Variants in LINGO2 observed in about 807,000 individuals in gnomAD.
LINGO2 encodes the protein leucine rich repeat and Ig domain containing 2.
Under a neutral mutation model 30.6 loss-of-function variants are expected in LINGO2, and 14 were observed. That is an observed-to-expected ratio of 0.46 (90% CI 0.30 to 0.72). The LOEUF (loss-of-function observed/expected upper bound fraction) is 0.72, where lower values mean the gene tolerates loss of function less well. Ranked by LOEUF, LINGO2 falls within the 30% of genes least tolerant of loss-of-function variation. LINGO2 has a pLI of 0.07. For missense variants in LINGO2, 729 were observed against 751.7 expected (o/e 0.97, Z 0.35); for synonymous variants, 317 against 288.5 (o/e 1.10, Z -1.00).
intron 3 of LINGO2, among the ~76,000 whole-genome samples, chr9:28,349,073 A>G (rs2134431571): frequency 6.6e-6 from 1 of 152,106 alleles, no homozygotes; most frequent in Admixed American, 6.5e-5. Flanking sequence ...AAAACTGGAA[A>G]CTCTAAAAAG....
intron 4 of LINGO2, among the ~76,000 whole-genome samples, chr9:28,063,176 T>G (rs1445156612): frequency 3.3e-5 from 5 of 152,120 alleles, no homozygotes; most frequent in Non-Finnish European, 7.4e-5. Context: ...CAATTCATAC[T>G]TTCTTTTAGT....
chr9:28,680,996 T>A, the LINGO2 span, among the ~76,000 whole-genome samples: 1 of 152,124 alleles, frequency 6.6e-6, no homozygotes, highest in African/African-American at 2.4e-5. Context: ...ACTTTAGGGA[T>A]TATATCTTAA....
chr9:29,184,915 C>G, the LINGO2 span, among the ~76,000 whole-genome samples: 1 of 152,058 alleles, frequency 6.6e-6, no homozygotes, highest in Non-Finnish European at 1.5e-5. Context: ...TACTTTTTTG[C>G]ATGTGCTATC....
the LINGO2 span, among the ~76,000 whole-genome samples, chr9:29,099,284 A>G: frequency 6.6e-6 from 1 of 152,208 alleles, no homozygotes; most frequent in Non-Finnish European, 1.5e-5. Flanking sequence ...AACTACAACA[A>G]GAAAACATTG....
At chr9:28,998,853 G>A in the LINGO2 span, among the ~76,000 whole-genome samples, 2 of 152,050 alleles carry the variant, frequency 1.3e-5, no homozygotes, top group Non-Finnish European at 2.9e-5. Flanking sequence ...TATATATATA[G>A]CACAGGTCTA....
chr9:27,966,537 A>G (rs763436940), intron 5 of LINGO2, among the ~76,000 whole-genome samples: 2 of 152,130 alleles, frequency 1.3e-5, no homozygotes, highest in African/African-American at 2.4e-5. Flanking sequence ...ACATGGACAC[A>G]GGGAGGGGAA....
chr9:28,378,791 A>T (rs76772128), intron 2 of LINGO2, among the ~76,000 whole-genome samples: 1 of 152,182 alleles, frequency 6.6e-6, no homozygotes, highest in African/African-American at 2.4e-5. Flanking sequence ...CTTGCAAGCA[A>T]GCTTACTTTG....
the LINGO2 span, among the ~76,000 whole-genome samples, chr9:28,992,584 C>T: frequency 6.6e-6 from 1 of 152,122 alleles, no homozygotes; most frequent in Non-Finnish European, 1.5e-5. Flanking sequence ...CCACACCACA[C>T]CTATTCCAAA....
chr9:28,207,406 A>G (rs1820445753), intron 4 of LINGO2, among the ~76,000 whole-genome samples: 1 of 152,150 alleles, frequency 6.6e-6, no homozygotes, highest in African/African-American at 2.4e-5. Context: ...TAAGGATTTT[A>G]GACAGGCTAA....
At chr9:28,867,171 G>A in the LINGO2 span, among the ~76,000 whole-genome samples, 1 of 152,004 alleles carries the variant, frequency 6.6e-6, no homozygotes, top group Non-Finnish European at 1.5e-5. Context: ...TAAACTGAGT[G>A]GGAAGGCAAG....
chr9:28,424,263 G>A (rs923333069), intron 2 of LINGO2, among the ~76,000 whole-genome samples: 3 of 152,132 alleles, frequency 2.0e-5, no homozygotes, highest in Non-Finnish European at 4.4e-5. Context: ...AGAACATGAA[G>A]GAAGTGAAGT....
chr9:28,740,996 G>C, the LINGO2 span, among the ~76,000 whole-genome samples: 1 of 151,872 alleles, frequency 6.6e-6, no homozygotes, highest in Non-Finnish European at 1.5e-5. Context: ...CCAGGTGCTG[G>C]GATGGTCCTG....
chr9:29,129,759 C>T, the LINGO2 span, among the ~76,000 whole-genome samples: 1 of 152,036 alleles, frequency 6.6e-6, no homozygotes, highest in Admixed American at 6.6e-5. Context: ...ATAGGGGAAA[C>T]AGATATGAAG....
In LINGO2 at chr9:28,286,955, T is replaced by C. The variant is rs576192337; in HGVS notation, c.-87+8253A>G. Among the ~76,000 whole-genome samples the C allele has an allele frequency of 7.9e-5, 12 of 152,176 alleles. No individual in the cohort carries two copies. In the South Asian group the frequency reaches 2.5e-3, roughly 32 times the overall value. Reference sequence around the variant, plus strand: ...CAAACCTGCACTTGTACCCCTGAACTTAAAAGTTAAAAAAATATATAGAAG... The same window carrying C: ...CAAACCTGCACTTGTACCCCTGAACCTAAAAGTTAAAAAAATATATAGAAG... On this transcript the variant is annotated intron_variant, in intron 4 of 5. Transcript: ENST00000379992.
chr9:28,775,954 T>C, the LINGO2 span, among the ~76,000 whole-genome samples: 1 of 152,144 alleles, frequency 6.6e-6, no homozygotes, highest in Non-Finnish European at 1.5e-5. Flanking sequence ...CAGAAGGACA[T>C]TTGAAGTGCT....
chr9:28,837,681 T>TATATATATATATATATATATATATATA, the LINGO2 span, among the ~76,000 whole-genome samples: 48 of 130,758 alleles, frequency 3.7e-4, no homozygotes, highest in Non-Finnish European at 5.3e-4. Flanking sequence ...TATATATATA[T>TATATATATATATATATATATATATATA]TTAGGATAAC....
chr9:28,247,611 G>A (rs768103042), intron 4 of LINGO2, among the ~76,000 whole-genome samples: 8 of 152,146 alleles, frequency 5.3e-5, no homozygotes, highest in Non-Finnish European at 2.9e-5. Context: ...AAGGGACAAA[G>A]TGGGGGAGAG....
At chr9:28,692,058 G>A in the LINGO2 span, among the ~76,000 whole-genome samples, 5 of 152,220 alleles carry the variant, frequency 3.3e-5, no homozygotes, top group Middle Eastern at 3.4e-3. Context: ...ATTCTAGGAT[G>A]GAATGAGGTT....
chr9:28,857,687 T>C, the LINGO2 span, among the ~76,000 whole-genome samples: 28 of 152,180 alleles, frequency 1.8e-4, no homozygotes, highest in Admixed American at 7.9e-4. Context: ...TAAAATCATA[T>C]GAAATATGGT....
Sources: allele counts gnomAD v4.1 joint callset (sites outside exome capture counted in the v4.1 genomes callset), GRCh38; gene constraint gnomAD v4.1.1; transcripts MANE v1.5; gene names NCBI Gene and HGNC (gene_info 2026-07-23, HGNC 2026-07-21).